PIK3C2G: variants seen among roughly 807,000 people sequenced by gnomAD.
PIK3C2G encodes phosphatidylinositol-4-phosphate 3-kinase catalytic subunit type 2 gamma, also known as phosphatidylinositol 3-kinase C2 domain-containing subunit gamma.
Under a neutral mutation model 181.1 loss-of-function variants are expected in PIK3C2G, and 168 were observed. That is an observed-to-expected ratio of 0.93 (90% CI 0.82 to 1.05). PIK3C2G has a LOEUF of 1.05. PIK3C2G is among the 50% of genes least tolerant of loss of function. The probability of loss-of-function intolerance (pLI) is 0.00; values close to 1 mark genes in which losing one functional copy is unlikely to be tolerated. For synonymous variants in PIK3C2G, 573 were observed against 592.2 expected (o/e 0.97, Z 0.47); for missense variants, 1,869 against 1,732.8 (o/e 1.08, Z -1.40).
Position 18,546,438 on chromosome 12 carries a change from A to T in PIK3C2G, c.3590+6A>T. The T allele has an allele frequency of 6.8e-7, 1 of 1,465,190 alleles. No individual in the cohort carries two copies. Among genetic ancestry groups the T allele is most frequent in the Non-Finnish European group, 9.5e-7 (1 of 1,054,306 alleles). The allele number at this position is 1,465,190 out of a possible 1,614,324, so 90.8% of individuals were successfully genotyped here. A position where few individuals can be genotyped will look rare whatever the true frequency, so the allele number is the denominator to read the frequency against. On this transcript the variant is annotated splice_donor_region_variant and intron_variant, in intron 26 of 32. Coordinates refer to ENST00000538779, the MANE Select transcript of PIK3C2G (RefSeq NM_001288772.2). Reference sequence around the variant, plus strand: ...GCAACAAGTCATTTTACCAAGTAAGATCACCTATGAATGTGTGAGCATGCA... The same window carrying T: ...GCAACAAGTCATTTTACCAAGTAAGTTCACCTATGAATGTGTGAGCATGCA...
At chr12:18,289,182 G>A (rs886595136) in intron 3 of PIK3C2G, among the ~76,000 whole-genome samples, 1 of 152,088 alleles carries the variant, frequency 6.6e-6, no homozygotes, top group African/African-American at 2.4e-5. Context: ...TTCAAAAGAA[G>A]ATCAAATGGA....
chr12:18,576,791 A>T (rs543095882), intron 29 of PIK3C2G, among the ~76,000 whole-genome samples: 69 of 152,320 alleles, frequency 4.5e-4, no homozygotes, highest in African/African-American at 1.6e-3. Context: ...TAGAATGTTG[A>T]CATCTTAATG....
chr12:18,410,513 A>G (rs1003190803), intron 16 of PIK3C2G, among the ~76,000 whole-genome samples: 1 of 149,030 alleles, frequency 6.7e-6, no homozygotes, highest in East Asian at 1.9e-4. Context: ...TCAGAAAGAA[A>G]AAAAAAAAAA....
chr12:18,639,217 T>C (rs577166712), intron 31 of PIK3C2G, among the ~76,000 whole-genome samples: 1 of 152,182 alleles, frequency 6.6e-6, no homozygotes, highest in South Asian at 2.1e-4. Flanking sequence ...TAATTTTTAA[T>C]ATGTAATTTA....
intron 20 of PIK3C2G, among the ~76,000 whole-genome samples, chr12:18,492,132 C>T (rs1940629076): frequency 1.3e-5 from 2 of 152,216 alleles, no homozygotes; most frequent in African/African-American, 2.4e-5. Flanking sequence ...TCTTCAGTCA[C>T]ACTTCTCTGA....
At chr12:18,592,358 A>G (rs1453706553) in intron 29 of PIK3C2G, among the ~76,000 whole-genome samples, 21 of 151,928 alleles carry the variant, frequency 1.4e-4, no homozygotes, top group Admixed American at 1.4e-3. Context: ...GAAGACAGTC[A>G]CTTGGGAGAA....
the PIK3C2G span, among the ~76,000 whole-genome samples, chr12:18,682,691 C>A: frequency 1.8e-4 from 27 of 152,052 alleles, no homozygotes; most frequent in Non-Finnish European, 3.8e-4. Context: ...CAATTTTATA[C>A]ACACTCGTAA....
chr12:18,358,906 T>C (rs1223378489), intron 11 of PIK3C2G: 1 of 166,084 alleles, frequency 6.0e-6, no homozygotes, highest in Non-Finnish European at 1.3e-5. Context: ...ATTCTATAAA[T>C]GTTGGTACTT....
intron 1 of PIK3C2G, among the ~76,000 whole-genome samples, chr12:18,268,043 A>C (rs1948582977): frequency 6.6e-6 from 1 of 152,108 alleles, no homozygotes; most frequent in Admixed American, 6.5e-5. Context: ...AATTGATCCG[A>C]CCCTATATCT....
At chr12:18,718,614 A>G in the PIK3C2G span, among the ~76,000 whole-genome samples, 2 of 152,098 alleles carry the variant, frequency 1.3e-5, no homozygotes, top group Non-Finnish European at 2.9e-5. Context: ...GGCTTCCTGT[A>G]TCATCACTCA....
chr12:18,723,370 G>A, the PIK3C2G span: 61 of 1,612,794 alleles, frequency 3.8e-5, no homozygotes, highest in Non-Finnish European at 5.2e-5. Context: ...ACTCATCTCA[G>A]CTGCATATTG....
At chr12:18,475,140 T>C (rs1938845341) in intron 18 of PIK3C2G, among the ~76,000 whole-genome samples, 1 of 152,140 alleles carries the variant, frequency 6.6e-6, no homozygotes, top group Admixed American at 6.6e-5. Context: ...CACCGATAGA[T>C]TATTATAGGC....
In PIK3C2G at chr12:18,538,243, G is replaced by A. The variant is rs1943963219; in HGVS notation, c.3411G>A (p.Val1137=). The change falls in exon 25 of 33, where the codon GTG becomes GTA. Residue 1137 remains valine, a synonymous_variant. Transcript: ENST00000538779. ...GKNPQHFQDF[V]ELCCRAYNII... is the part of the protein sequence containing the mutation. Reference sequence around the variant, plus strand: ...ACCCACAGCATTTTCAAGATTTTGTGGAACTTTGCTGTCGTGCTTATAATA... The same window carrying A: ...ACCCACAGCATTTTCAAGATTTTGTAGAACTTTGCTGTCGTGCTTATAATA... 1.2e-6 allele frequency: 2 copies of A among 1,612,350 alleles called. No homozygotes were observed. Among genetic ancestry groups the A allele is most frequent in the Non-Finnish European group, 1.7e-6 (2 of 1,179,018 alleles).
intron 9 of PIK3C2G, among the ~76,000 whole-genome samples, chr12:18,342,546 AT>A (rs1272513940): frequency 6.6e-6 from 1 of 151,616 alleles, no homozygotes; most frequent in Non-Finnish European, 1.5e-5. Flanking sequence ...AAAAATTTTA[AT>A]GTTAATTAAA....
chr12:18,640,579 A>G (rs1383412125), intron 32 of PIK3C2G, 25 bp downstream of exon 32: 2 of 1,559,306 alleles, frequency 1.3e-6, no homozygotes, highest in African/African-American at 1.4e-5. Flanking sequence ...CCTTTTGTCC[A>G]GTCATTTTGT....
chr12:18,366,815 T>C (rs1941679257), intron 12 of PIK3C2G, among the ~76,000 whole-genome samples: 1 of 152,012 alleles, frequency 6.6e-6, no homozygotes, highest in Non-Finnish European at 1.5e-5. Flanking sequence ...GAAAGTTCAT[T>C]CCTTTGACTT....
chr12:18,678,757 G>A, the PIK3C2G span, among the ~76,000 whole-genome samples: 2 of 151,902 alleles, frequency 1.3e-5, no homozygotes, highest in African/African-American at 2.4e-5. Flanking sequence ...ATGAACATTT[G>A]GGCTGTTTCC....
rs530762557 is a variant in PIK3C2G at position 18,271,812 on chromosome 12, C to T, written c.-78-10192C>T. On this transcript the variant is annotated intron_variant, in intron 1 of 32. Coordinates refer to ENST00000538779, the MANE Select transcript of PIK3C2G (RefSeq NM_001288772.2). ...GACCCACATGTAATAACTGCTTATT[C>T]GGCATCTTCACATAGATTTTGTACA... 2.6e-5 allele frequency among the ~76,000 whole-genome samples: 4 copies of T among 152,260 alleles called. No homozygotes were observed. In the South Asian group the frequency reaches 8.3e-4, roughly 32 times the overall value.
At chr12:18,632,143 T>G (rs73070264) in intron 31 of PIK3C2G, among the ~76,000 whole-genome samples, 6,398 of 152,212 alleles carry the variant, frequency 0.042, 147 homozygotes, top group Middle Eastern at 0.075. Context: ...AAAAGAATTA[T>G]CTGTCCCAAA....
Sources: gnomAD v4.1 joint callset for allele counts (sites outside exome capture counted in the v4.1 genomes callset) on GRCh38, gnomAD v4.1.1 for gene constraint, MANE v1.5 for transcripts, NCBI Gene and HGNC (gene_info 2026-07-23, HGNC 2026-07-21) for gene names.